The following POT1 variants were observed in gnomAD, a reference collection of about 807,000 sequenced individuals.
POT1 encodes the protein protection of telomeres 1.
In POT1, 47 loss-of-function variants were observed where a neutral mutation model predicts 78.5. The ratio of observed to expected loss-of-function variants is 0.60; its 90% confidence interval spans 0.47 to 0.76. The LOEUF is 0.76. Ranked by LOEUF, POT1 falls within the 30% of genes least tolerant of loss-of-function variation. The probability of loss-of-function intolerance (pLI) is 0.00; values close to 1 mark genes in which losing one functional copy is unlikely to be tolerated. For synonymous variants in POT1, 259 were observed against 260.7 expected, an observed-to-expected ratio of 0.99 and a Z score of 0.06; for missense variants, 646 against 749.9, an observed-to-expected ratio of 0.86 and a Z score of 1.62.
In POT1 at chr7:124,914,166, T is replaced by C. The variant is rs979824511; in HGVS notation, c.-154+1408A>G. ...AAAAAAAAAAAAAAGAGTATGGGTT[T>C]ATTTCTGGACTCAATTGTACTCCAT... On this transcript the variant is annotated intron_variant, in intron 3 of 18. Coordinates refer to ENST00000357628, the MANE Select transcript of POT1 (RefSeq NM_015450.3). 3.3e-5 allele frequency among the ~76,000 whole-genome samples: 5 copies of C among 151,594 alleles called. No individual in the cohort carries two copies. In the South Asian group the frequency reaches 1.0e-3, roughly 32 times the overall value.
At chr7:124,847,848 C>T (rs1213935509) in intron 11 of POT1, among the ~76,000 whole-genome samples, 1 of 152,160 alleles carries the variant, frequency 6.6e-6, no homozygotes, top group East Asian at 1.9e-4. Context: ...GAGGAAAATG[C>T]ATACTTCACA....
intron 12 of POT1, among the ~76,000 whole-genome samples, chr7:124,843,493 T>C (rs569613046): frequency 2.6e-5 from 4 of 151,882 alleles, no homozygotes; most frequent in South Asian, 2.1e-4. Flanking sequence ...AAGAGGAAGT[T>C]TGGGGAGTTG....
chr7:124,887,665 A>G (rs1266326807), intron 6 of POT1, among the ~76,000 whole-genome samples: 1 of 152,056 alleles, frequency 6.6e-6, no homozygotes, highest in East Asian at 1.9e-4. Flanking sequence ...TCACTATTTA[A>G]CATCTCTGAA....
chr7:124,825,218 AG>A (rs1260447541), intron 18 of POT1, 33 bp downstream of exon 18: 1 of 1,402,590 alleles, frequency 7.1e-7, no homozygotes, highest in East Asian at 2.3e-5. Context: ...CTCAAGTAAA[AG>A]AAGTGTGGGA....
intron 14 of POT1, 79 bp downstream of exon 14, chr7:124,840,894 A>G: frequency 8.5e-7 from 1 of 1,179,586 alleles, no homozygotes; most frequent in Non-Finnish European, 1.2e-6. Flanking sequence ...GGTTGTCTGT[A>G]AAATGTATTA....
chr7:124,900,802 T>A (rs1490737069), intron 3 of POT1: 2 of 395,498 alleles, frequency 5.1e-6, no homozygotes, highest in Non-Finnish European at 1.0e-5. Flanking sequence ...CCTGCCATAA[T>A]ACTGTGCTTT....
intron 8 of POT1, among the ~76,000 whole-genome samples, chr7:124,859,732 A>C (rs536682293): frequency 6.6e-6 from 1 of 151,552 alleles, no homozygotes; most frequent in Non-Finnish European, 1.5e-5. Flanking sequence ...TAAAAAAAAA[A>C]AACCATAAAA....
intron 11 of POT1, 38 bp downstream of exon 11, chr7:124,851,834 G>A (rs1795313828): frequency 2.2e-6 from 3 of 1,333,672 alleles, no homozygotes; most frequent in African/African-American, 1.4e-5. Flanking sequence ...ATTTTATTTA[G>A]CAAGAACTAA....
chr7:124,913,671 ATT>A (rs1294563225), intron 3 of POT1, among the ~76,000 whole-genome samples: 3 of 152,160 alleles, frequency 2.0e-5, no homozygotes, highest in Non-Finnish European at 2.9e-5. Flanking sequence ...TAAGAATCTA[ATT>A]TCATTCTTTT....
chr7:124,865,715 A>G (rs1331305070), intron 7 of POT1, among the ~76,000 whole-genome samples: 1 of 151,064 alleles, frequency 6.6e-6, no homozygotes, highest in Non-Finnish European at 1.5e-5. Context: ...TATTATTATT[A>G]TTATTATTTT....
At chr7:124,892,615 A>C (rs1796397964) in intron 5 of POT1, 1 of 279,190 alleles carries the variant, frequency 3.6e-6, no homozygotes, top group Non-Finnish European at 6.6e-6. Flanking sequence ...CATAACCTAT[A>C]ATCTAATTAA....
chr7:124,897,217 A>G lies in POT1; in HGVS notation c.-39-5T>C, dbSNP rs1336251017. The G allele has an allele frequency of 2.2e-6, 3 of 1,360,040 alleles. No individual in the cohort carries two copies. The highest frequency in any genetic ancestry group is 3.1e-6 in the Non-Finnish European group (3 of 979,138). 84.2% of individuals were successfully genotyped at this position (1,360,040 alleles called of 1,614,324 possible). A position where few individuals can be genotyped will look rare whatever the true frequency, so the allele number is the denominator to read the frequency against. ...TCTTAAAGATTTGACATAAACCTGA[A>G]GGAAAAAAAGAAAGAACTTATTTGT... On this transcript the variant is annotated splice_polypyrimidine_tract_variant and splice_region_variant and intron_variant, in intron 4 of 18. Coordinates refer to ENST00000357628, the MANE Select transcript of POT1 (RefSeq NM_015450.3).
chr7:124,828,260 G>C (rs946883830), intron 16 of POT1, among the ~76,000 whole-genome samples: 3 of 152,064 alleles, frequency 2.0e-5, no homozygotes, highest in African/African-American at 7.2e-5. Context: ...AGAAAAAAGG[G>C]ATATCATCTG....
chr7:124,902,343 C>A (rs867737610), intron 3 of POT1, among the ~76,000 whole-genome samples: 1 of 152,158 alleles, frequency 6.6e-6, no homozygotes, highest in African/African-American at 2.4e-5. Context: ...AGAAACTCTA[C>A]AAGCCAGAAG....
chr7:124,895,551 GTCCT>G (rs755870098), intron 5 of POT1, among the ~76,000 whole-genome samples: 1 of 134,000 alleles, frequency 7.5e-6, no homozygotes, highest in Non-Finnish European at 1.7e-5. Context: ...ATTTATTTCT[GTCCT>G]TCCTTCATTC....
At chr7:124,914,093 C>G (rs1053502880) in intron 3 of POT1, among the ~76,000 whole-genome samples, 12 of 147,598 alleles carry the variant, frequency 8.1e-5, no homozygotes, top group African/African-American at 3.0e-4. Flanking sequence ...CAAGATCCTG[C>G]CACTGCACTC....
chr7:124,861,762 T>C (rs1023511872), intron 8 of POT1, among the ~76,000 whole-genome samples: 8 of 152,210 alleles, frequency 5.3e-5, no homozygotes, highest in Non-Finnish European at 1.0e-4. Flanking sequence ...CTTTAATCTA[T>C]CTTGAATTAA....
At chr7:124,908,726 T>C (rs181827192) in intron 3 of POT1, among the ~76,000 whole-genome samples, 19 of 152,090 alleles carry the variant, frequency 1.2e-4, no homozygotes, top group Admixed American at 9.9e-4. Flanking sequence ...TTCACTGCTA[T>C]ATCTCCAACA....
At chr7:124,857,193 C>T (rs1486257070) in intron 9 of POT1, among the ~76,000 whole-genome samples, 1 of 152,232 alleles carries the variant, frequency 6.6e-6, no homozygotes, top group East Asian at 1.9e-4. Flanking sequence ...TTCAGATCTT[C>T]ACTCTTACTG....
Sources: gnomAD v4.1 joint callset for allele counts (sites outside exome capture counted in the v4.1 genomes callset) on GRCh38, gnomAD v4.1.1 for gene constraint, MANE v1.5 for transcripts, NCBI Gene and HGNC (gene_info 2026-07-23, HGNC 2026-07-21) for gene names.